Variants in ERBB4 observed in about 807,000 individuals in gnomAD.
ERBB4 encodes the protein receptor tyrosine-protein kinase erbB-4.
A neutral mutation model predicts 158.0 loss-of-function variants in ERBB4; 42 were observed. The observed-to-expected ratio is 0.27, with a 90% CI of 0.21 to 0.34. The LOEUF (loss-of-function observed/expected upper bound fraction) is 0.34, where lower values mean the gene tolerates loss of function less well. Among genes scored for constraint, ERBB4 ranks in the 10% least tolerant of loss-of-function variants. ERBB4 has a pLI of 1.00. For synonymous variants in ERBB4, 583 were observed against 558.7 expected, an observed-to-expected ratio of 1.04 and a Z score of -0.61; for missense variants, 1,333 against 1,624.1, an observed-to-expected ratio of 0.82 and a Z score of 3.08.
chr2:211,456,377 T>G lies in ERBB4; in HGVS notation c.2488-25277A>C, dbSNP rs567344520. 1.8e-4 allele frequency among the ~76,000 whole-genome samples: 27 copies of G among 152,320 alleles called. 1 individual carries two copies. Among genetic ancestry groups the G allele is most frequent in the African/African-American group, 5.1e-4 (21 of 41,570 alleles). On this transcript the variant is annotated intron_variant, in intron 20 of 27. Transcript: ENST00000342788. ...ACTTGGCACAGTATCATGCAAACTT[T>G]AGGCACTCAGATATACTTCTGAATC...
At chr2:212,037,539 A>G (rs2077043275) in intron 2 of ERBB4, among the ~76,000 whole-genome samples, 1 of 152,214 alleles carries the variant, frequency 6.6e-6, no homozygotes, top group East Asian at 1.9e-4. Flanking sequence ...AACATTCAAG[A>G]TTTGTACGTT....
intron 2 of ERBB4, among the ~76,000 whole-genome samples, chr2:211,973,597 T>C (rs573528804): frequency 1.2e-4 from 19 of 152,032 alleles, no homozygotes; most frequent in Middle Eastern, 3.4e-3. Context: ...GCTGGTGAGG[T>C]TGTGGAGAAA....
intron 2 of ERBB4, among the ~76,000 whole-genome samples, chr2:211,976,904 C>T (rs989056642): frequency 6.6e-6 from 1 of 152,132 alleles, no homozygotes; most frequent in Non-Finnish European, 1.5e-5. Flanking sequence ...AAGAAAATAT[C>T]AGTTTCTATC....
At chr2:211,764,026 T>G (rs2106247895) in intron 4 of ERBB4, among the ~76,000 whole-genome samples, 1 of 152,274 alleles carries the variant, frequency 6.6e-6, no homozygotes, top group African/African-American at 2.4e-5. Flanking sequence ...ATTTTAAAGT[T>G]GATGGAGGTT....
intron 3 of ERBB4, among the ~76,000 whole-genome samples, chr2:211,868,831 T>G (rs1269062128): frequency 2.0e-5 from 3 of 152,196 alleles, no homozygotes; most frequent in Non-Finnish European, 4.4e-5. Flanking sequence ...TCTGACTCAA[T>G]TTTTCATTGA....
chr2:211,404,582 C>CTAACTTTGTTAAAACACTTTTTTT (rs1228380271), intron 25 of ERBB4, among the ~76,000 whole-genome samples: 1 of 152,076 alleles, frequency 6.6e-6, no homozygotes, highest in Non-Finnish European at 1.5e-5. Context: ...TGACAGACAA[C>CTAACTTTGTTAAAACACTTTTTTT]TAACTTTGTT....
At chr2:211,717,008 G>C (rs1215431048) in intron 7 of ERBB4, among the ~76,000 whole-genome samples, 1 of 152,106 alleles carries the variant, frequency 6.6e-6, no homozygotes. Flanking sequence ...TCACTATAAG[G>C]GCTATAGTAA....
rs531000657 is a variant in ERBB4 at position 211,378,271 on chromosome 2, C to T, written c.*5344G>A. On this transcript the variant is annotated 3_prime_UTR_variant, in exon 28 of 28. Coordinates refer to ENST00000342788, the MANE Select transcript of ERBB4 (RefSeq NM_005235.3). ...TCCAGAGGAAGCATGTGAATACCCC[C>T]CGTGAAATTGGGGCTTAGAGTCATT... The T allele has an allele frequency of 3.0e-5, 7 of 232,868 alleles. No homozygotes were observed. The highest frequency in any genetic ancestry group is 1.3e-3 in the Middle Eastern group (1 of 784). 14.4% of individuals were successfully genotyped at this position (232,868 alleles called of 1,614,324 possible).
intron 20 of ERBB4, among the ~76,000 whole-genome samples, chr2:211,478,131 G>A (rs139109772): frequency 6.6e-6 from 1 of 152,246 alleles, no homozygotes; most frequent in African/African-American, 2.4e-5. Context: ...CCACATTAAT[G>A]GGATCACTAA....
intron 4 of ERBB4, among the ~76,000 whole-genome samples, chr2:211,773,029 C>T (rs568849660): frequency 3.7e-4 from 54 of 145,762 alleles, no homozygotes; most frequent in African/African-American, 1.3e-3. Flanking sequence ...GGGAATCCTC[C>T]CACTTCAGCC....
At chr2:211,675,004 AT>A (rs1366503551) in intron 13 of ERBB4, among the ~76,000 whole-genome samples, 2 of 152,118 alleles carry the variant, frequency 1.3e-5, no homozygotes, top group African/African-American at 2.4e-5. Context: ...ATAGATTTCC[AT>A]TTGACAGGCT....
chr2:211,610,607 A>C (rs1431486703), intron 19 of ERBB4, among the ~76,000 whole-genome samples: 3 of 152,176 alleles, frequency 2.0e-5, no homozygotes, highest in African/African-American at 7.2e-5. Flanking sequence ...GTTGCTGTTC[A>C]GATTGGAATA....
At chr2:212,538,288 G>A (rs1693220422) in intron 1 of ERBB4, among the ~76,000 whole-genome samples, 161 bp downstream of exon 1, 1 of 152,214 alleles carries the variant, frequency 6.6e-6, no homozygotes, top group Non-Finnish European at 1.5e-5. Context: ...TACAGGGTAA[G>A]TTTCAAATGG....
At chr2:211,871,288 C>T (rs1329201441) in intron 3 of ERBB4, among the ~76,000 whole-genome samples, 2 of 152,048 alleles carry the variant, frequency 1.3e-5, no homozygotes. Flanking sequence ...CACTTGAGCC[C>T]AGGAGTTCCA....
chr2:212,502,253 T>C (rs538161158), intron 1 of ERBB4, among the ~76,000 whole-genome samples: 2 of 152,286 alleles, frequency 1.3e-5, no homozygotes, highest in Admixed American at 6.5e-5. Context: ...TAATGTCAAA[T>C]TAAATTATAT....
intron 19 of ERBB4, among the ~76,000 whole-genome samples, chr2:211,598,418 C>G (rs990448354): frequency 1.3e-5 from 2 of 152,166 alleles, no homozygotes; most frequent in Non-Finnish European, 2.9e-5. Context: ...TTGGGTGACT[C>G]AGTTGATGGT....
intron 19 of ERBB4, among the ~76,000 whole-genome samples, chr2:211,587,494 C>T (rs1049760780): frequency 8.5e-5 from 13 of 152,200 alleles, no homozygotes; most frequent in Middle Eastern, 6.8e-3. Flanking sequence ...TGCAGCGATG[C>T]GGCCTACAAG....
chr2:212,106,128 G>A (rs1168385885), intron 2 of ERBB4, among the ~76,000 whole-genome samples: 4 of 152,204 alleles, frequency 2.6e-5, no homozygotes, highest in African/African-American at 7.2e-5. Flanking sequence ...CTTAAAATGT[G>A]GAAGTGACTT....
intron 2 of ERBB4, among the ~76,000 whole-genome samples, chr2:212,104,421 A>C (rs1029350168): frequency 2.0e-5 from 3 of 152,100 alleles, no homozygotes; most frequent in Non-Finnish European, 4.4e-5. Flanking sequence ...ATTTAAATTA[A>C]ATTAGAATTA....
Sources: allele counts gnomAD v4.1 joint callset (sites outside exome capture counted in the v4.1 genomes callset), GRCh38; gene constraint gnomAD v4.1.1; transcripts MANE v1.5; gene names NCBI Gene and HGNC (gene_info 2026-07-23, HGNC 2026-07-21).